PDE4B: variants seen among roughly 807,000 people sequenced by gnomAD.
PDE4B encodes the protein 3',5'-cyclic-AMP phosphodiesterase 4B.
A neutral mutation model predicts 82.2 loss-of-function variants in PDE4B; 20 were observed. The ratio of observed to expected loss-of-function variants is 0.24; its 90% CI spans 0.17 to 0.35. PDE4B has a LOEUF of 0.35. Ranked by LOEUF, PDE4B falls within the 10% of genes least tolerant of loss-of-function variation. The probability of loss-of-function intolerance (pLI) is 1.00; values close to 1 mark genes in which losing one functional copy is unlikely to be tolerated. For synonymous variants in PDE4B, 320 were observed against 318.9 expected (o/e 1.00, Z -0.04); for missense variants, 655 against 907.2 (o/e 0.72, Z 3.57).
chr1:65,936,080 G>A (rs1456259169), intron 3 of PDE4B, among the ~76,000 whole-genome samples: 1 of 151,214 alleles, frequency 6.6e-6, no homozygotes, highest in Non-Finnish European at 1.5e-5. Context: ...TAAAAACGAA[G>A]ACACAAGCAC....
chr1:66,064,393 T>C (rs150901803), intron 3 of PDE4B, among the ~76,000 whole-genome samples: 283 of 151,754 alleles, frequency 1.9e-3, no homozygotes, highest in Non-Finnish European at 2.9e-3. Flanking sequence ...AGCTGTGGGA[T>C]TGGAAGTCAC....
intron 3 of PDE4B, among the ~76,000 whole-genome samples, chr1:66,203,993 CT>C (rs1649291363): frequency 6.6e-6 from 1 of 152,110 alleles, no homozygotes; most frequent in Non-Finnish European, 1.5e-5. Context: ...TACTTTTGGT[CT>C]TTGATGATGG....
At chr1:66,221,272 C>T (rs1333504188) in intron 3 of PDE4B, among the ~76,000 whole-genome samples, 1 of 152,134 alleles carries the variant, frequency 6.6e-6, no homozygotes, top group Non-Finnish European at 1.5e-5. Context: ...TTAAATTCCA[C>T]AGATAGGGCA....
chr1:66,312,299 T>C (rs1477802750), intron 7 of PDE4B, among the ~76,000 whole-genome samples: 2 of 152,182 alleles, frequency 1.3e-5, no homozygotes, highest in African/African-American at 2.4e-5. Flanking sequence ...TTACACAAAC[T>C]TAGTGGCTTA....
intron 3 of PDE4B, among the ~76,000 whole-genome samples, chr1:65,919,419 A>G (rs952077398): frequency 3.3e-5 from 5 of 152,294 alleles, no homozygotes; most frequent in Non-Finnish European, 5.9e-5. Flanking sequence ...TAATCATATA[A>G]TCTTACAATT....
At chr1:66,124,925 G>GTA (rs1183980625) in intron 3 of PDE4B, among the ~76,000 whole-genome samples, 1 of 151,170 alleles carries the variant, frequency 6.6e-6, no homozygotes, top group Non-Finnish European at 1.5e-5. Flanking sequence ...ATGCGTGTGT[G>GTA]TGTGTGTGTG....
chr1:65,832,577 G>A (rs999546483), intron 1 of PDE4B, among the ~76,000 whole-genome samples: 3 of 152,144 alleles, frequency 2.0e-5, no homozygotes, highest in African/African-American at 7.2e-5. Flanking sequence ...TTAGGAAAAG[G>A]CCCAGGAATG....
At chr1:66,190,862 C>T (rs1647740865) in intron 3 of PDE4B, among the ~76,000 whole-genome samples, 1 of 152,042 alleles carries the variant, frequency 6.6e-6, no homozygotes, top group African/African-American at 2.4e-5. Flanking sequence ...CAGTGTCCAA[C>T]ACTCCCCAGT....
chr1:65,875,813 A>T (rs979085534), intron 1 of PDE4B, among the ~76,000 whole-genome samples: 3 of 42,366 alleles, frequency 7.1e-5, no homozygotes, highest in African/African-American at 2.1e-4. Flanking sequence ...GGGTGGGGGG[A>T]GGGGGGAGGG....
At chr1:66,000,094 T>A (rs2489912) in intron 3 of PDE4B, among the ~76,000 whole-genome samples, 149,053 of 152,248 alleles carry the variant, frequency 0.98, 73,038 homozygotes, top group Middle Eastern at 1. Context: ...AAATCATACC[T>A]CCTAGTCTGT....
chr1:65,988,036 A>G (rs553074303), intron 3 of PDE4B, among the ~76,000 whole-genome samples: 69 of 152,384 alleles, frequency 4.5e-4, no homozygotes, highest in African/African-American at 1.6e-3. Context: ...CCAGAAATAC[A>G]GTATTGAACA....
chr1:66,338,345 G>A (rs553164868), intron 8 of PDE4B, among the ~76,000 whole-genome samples: 1 of 144,960 alleles, frequency 6.9e-6, no homozygotes, highest in African/African-American at 2.6e-5. Context: ...GGATTGGTTG[G>A]TGGGTGATCT....
Position 66,332,565 on chromosome 1 carries a change from A to G in PDE4B, c.692A>G (p.Asp231Gly), listed in dbSNP as rs1383952764. The part of the protein sequence containing the change: ...ETLEELDWCL[D>G]QLETIQTYRS... ...CTGGAGGAATTAGACTGGTGTTTAG[A>G]CCAGCTAGAGACCATACAGACCTAC... Residue 231 changes from aspartate to glycine, a missense_variant, in exon 8 of 17, where the codon GAC (aspartate) becomes GGC (glycine). Around this residue, in one of 3 missense-constraint regions of PDE4B, gnomAD observed 283 missense variants for 516.4 expected, o/e 0.55. Transcript: ENST00000341517. 22 of 1,613,996 alleles carry G rather than the reference A, an allele frequency of 1.4e-5. No individual in the cohort carries two copies. Among genetic ancestry groups the G allele is most frequent in the Non-Finnish European group, 1.8e-5 (21 of 1,179,978 alleles).
intron 1 of PDE4B, among the ~76,000 whole-genome samples, chr1:65,895,366 A>G (rs562232539): frequency 6.6e-6 from 1 of 152,132 alleles, no homozygotes; most frequent in Admixed American, 6.6e-5. Flanking sequence ...CTTGGCCAAC[A>G]TGGTGAAACC....
chr1:66,129,689 CA>C (rs1476893263), intron 3 of PDE4B, among the ~76,000 whole-genome samples: 2 of 85,948 alleles, frequency 2.3e-5, no homozygotes, highest in Non-Finnish European at 5.6e-5. Context: ...AACAAAAAAA[CA>C]AAAAAACAAA....
chr1:66,313,829 GAGTTGTAATCCTTCGC>G (rs1265570216), intron 7 of PDE4B, among the ~76,000 whole-genome samples: 2 of 152,170 alleles, frequency 1.3e-5, no homozygotes, highest in Non-Finnish European at 2.9e-5. Flanking sequence ...GTGGCCTGGA[GAGTTGTAATCCTTCGC>G]AGCAATCCAT....
intron 3 of PDE4B, among the ~76,000 whole-genome samples, chr1:66,187,357 T>C (rs970370110): frequency 6.6e-6 from 1 of 152,114 alleles, no homozygotes; most frequent in African/African-American, 2.4e-5. Flanking sequence ...TAAAATGCAT[T>C]AGGGAGGATT....
chr1:65,874,404 T>C (rs930730384), intron 1 of PDE4B, among the ~76,000 whole-genome samples: 1 of 152,202 alleles, frequency 6.6e-6, no homozygotes, highest in African/African-American at 2.4e-5. Flanking sequence ...TTGAATACCC[T>C]TTATTTCTTT....
intron 6 of PDE4B, among the ~76,000 whole-genome samples, chr1:66,259,557 T>A (rs1654518842): frequency 6.6e-6 from 1 of 152,172 alleles, no homozygotes; most frequent in Non-Finnish European, 1.5e-5. Flanking sequence ...ACTGAGATGC[T>A]TTCCCTGACC....
Sources: allele counts gnomAD v4.1 joint callset (sites outside exome capture counted in the v4.1 genomes callset), GRCh38; gene constraint gnomAD v4.1.1; regional missense constraint gnomAD v4.1.1; transcripts MANE v1.5; gene names NCBI Gene and HGNC (gene_info 2026-07-23, HGNC 2026-07-21).